The following NRXN3 variants were observed in gnomAD, a reference collection of about 807,000 sequenced individuals.
NRXN3 encodes neurexin III.
NRXN3 carries 32 observed loss-of-function variants against 137.6 expected under a neutral mutation model. The observed-to-expected ratio is 0.23, with a 90% confidence interval of 0.18 to 0.31. NRXN3 has a LOEUF of 0.31. Ranked by LOEUF, NRXN3 falls within the 10% of genes least tolerant of loss-of-function variation. NRXN3 has a pLI of 1.00. For missense variants in NRXN3, 1,574 were observed against 2,062.5 expected, an observed-to-expected ratio of 0.76 and a Z score of 4.59; for synonymous variants, 798 against 784.5, an observed-to-expected ratio of 1.02 and a Z score of -0.29.
chr14:79,847,896 A>G (rs565828755), intron 20 of NRXN3, among the ~76,000 whole-genome samples: 36 of 144,980 alleles, frequency 2.5e-4, no homozygotes, highest in African/African-American at 8.7e-4. Context: ...TTTTTTTTTC[A>G]TTTTGTTTTA....
Position 79,585,811 on chromosome 14 carries a change from A to G in NRXN3, c.3445-77967A>G, listed in dbSNP as rs1239145522. Among the ~76,000 whole-genome samples the G allele has an allele frequency of 2.6e-5, 4 of 152,128 alleles. No homozygotes were observed. In the East Asian group the frequency reaches 7.8e-4, roughly 30 times the overall value. ...GGAGACACTTGATAACACAACCTGG[A>G]TATGGTGGAGAGCATTCACATTCCT... On this transcript the variant is annotated intron_variant, in intron 16 of 20. Coordinates refer to ENST00000335750, the MANE Select transcript of NRXN3 (RefSeq NM_001330195.2).
chr14:78,564,804 G>A (rs2096822622), intron 4 of NRXN3, among the ~76,000 whole-genome samples: 2 of 152,074 alleles, frequency 1.3e-5, no homozygotes, highest in African/African-American at 4.8e-5. Flanking sequence ...TTGACATATG[G>A]TGGGGGTCTC....
chr14:79,206,879 C>G (rs2066870526), intron 15 of NRXN3, among the ~76,000 whole-genome samples: 1 of 152,090 alleles, frequency 6.6e-6, no homozygotes, highest in Non-Finnish European at 1.5e-5. Flanking sequence ...AACTAACGTA[C>G]AAGTCTTAGT....
intron 16 of NRXN3, among the ~76,000 whole-genome samples, chr14:79,547,709 A>G (rs2097333920): frequency 6.6e-6 from 1 of 152,186 alleles, no homozygotes; most frequent in African/African-American, 2.4e-5. Flanking sequence ...GGAGCTGGAT[A>G]GCATTTACAG....
intron 4 of NRXN3, among the ~76,000 whole-genome samples, chr14:78,367,592 GACAA>G (rs1374856750): frequency 6.6e-6 from 1 of 152,176 alleles, no homozygotes; most frequent in Non-Finnish European, 1.5e-5. Flanking sequence ...TATCTCCTAA[GACAA>G]ACAGAGACCA....
intron 4 of NRXN3, among the ~76,000 whole-genome samples, chr14:78,470,241 C>A (rs2153727556): frequency 6.6e-6 from 1 of 152,296 alleles, no homozygotes; most frequent in African/African-American, 2.4e-5. Flanking sequence ...GCATGAGAAT[C>A]CCTTTGGGGA....
intron 15 of NRXN3, among the ~76,000 whole-genome samples, chr14:79,023,297 G>A (rs1423787451): frequency 6.6e-6 from 1 of 151,960 alleles, no homozygotes; most frequent in African/African-American, 2.4e-5. Context: ...TCAGGGTACT[G>A]GGGATACAGA....
At chr14:79,064,091 T>C (rs1258444493) in intron 15 of NRXN3, among the ~76,000 whole-genome samples, 1 of 152,198 alleles carries the variant, frequency 6.6e-6, no homozygotes, top group Non-Finnish European at 1.5e-5. Flanking sequence ...CTTGTGTTTG[T>C]ATCAGCTCTT....
chr14:78,442,730 C>T (rs1045166570), intron 4 of NRXN3, among the ~76,000 whole-genome samples: 63 of 152,196 alleles, frequency 4.1e-4, no homozygotes, highest in African/African-American at 1.5e-3. Context: ...CCACACCAGG[C>T]CTTGGGTTGT....
intron 16 of NRXN3, among the ~76,000 whole-genome samples, chr14:79,655,363 C>T (rs1043386906): frequency 3.9e-5 from 6 of 152,262 alleles, no homozygotes; most frequent in Admixed American, 2.6e-4. Context: ...AGGGGACAGT[C>T]GGAGAGCTTA....
intron 4 of NRXN3, among the ~76,000 whole-genome samples, chr14:78,471,751 T>G (rs1171338205): frequency 6.6e-6 from 1 of 152,184 alleles, no homozygotes; most frequent in African/African-American, 2.4e-5. Flanking sequence ...ATTCTGTAGA[T>G]CAGCTACCCC....
chr14:78,543,262 A>G (rs150379420), intron 4 of NRXN3, among the ~76,000 whole-genome samples: 71 of 152,280 alleles, frequency 4.7e-4, no homozygotes, highest in Middle Eastern at 6.8e-3. Context: ...GAGATCATAA[A>G]TGAAGTCCAT....
chr14:79,712,489 T>C (rs748596893), intron 19 of NRXN3, among the ~76,000 whole-genome samples: 3 of 152,232 alleles, frequency 2.0e-5, no homozygotes, highest in Non-Finnish European at 2.9e-5. Flanking sequence ...ACCAGCTGCA[T>C]AGAATGTGCC....
rs201638829 is a variant in NRXN3, at chr14:79,027,184, C to CT, written c.3262+39052dup. Among the ~76,000 whole-genome samples, 88 of 147,824 alleles carry CT rather than the reference C, an allele frequency of 6.0e-4. 1 individual carries two copies. Among genetic ancestry groups the CT allele is most frequent in the African/African-American group, 1.7e-3 (68 of 40,184 alleles). On this transcript the variant is annotated intron_variant, in intron 15 of 20. Transcript: ENST00000335750. ...GAAATGTGTTAAAAAGCCATATATT[C>CT]TTTTTTTTTCTTTTGATAAAAGGAA...
intron 2 of NRXN3, among the ~76,000 whole-genome samples, chr14:78,268,202 ATCT>A (rs1239365959): frequency 6.6e-6 from 1 of 152,104 alleles, no homozygotes; most frequent in Non-Finnish European, 1.5e-5. Flanking sequence ...TATGGATGAA[ATCT>A]TCTGAAGACT....
intron 4 of NRXN3, among the ~76,000 whole-genome samples, chr14:78,321,425 T>G (rs1327169043): frequency 1.3e-5 from 2 of 152,062 alleles, no homozygotes; most frequent in Non-Finnish European, 1.5e-5. Context: ...CCTATTTCTG[T>G]TTTTTTCTGG....
chr14:78,945,602 A>G (rs568336739), intron 10 of NRXN3, among the ~76,000 whole-genome samples: 16 of 152,324 alleles, frequency 1.1e-4, no homozygotes, highest in South Asian at 2.1e-4. Flanking sequence ...AGGTTATGCA[A>G]CATTGGGCAA....
At chr14:78,501,100 T>C (rs2095869675) in intron 4 of NRXN3, among the ~76,000 whole-genome samples, 2 of 152,216 alleles carry the variant, frequency 1.3e-5, no homozygotes, top group Non-Finnish European at 2.9e-5. Context: ...AGGCAGTTTA[T>C]GTTAGTTATC....
At chr14:78,433,408 G>C (rs894476718) in intron 4 of NRXN3, among the ~76,000 whole-genome samples, 1 of 152,018 alleles carries the variant, frequency 6.6e-6, no homozygotes, top group African/African-American at 2.4e-5. Context: ...TGCCATGTAC[G>C]TTAGCTTGCT....
Sources: allele counts gnomAD v4.1 joint callset (sites outside exome capture counted in the v4.1 genomes callset), GRCh38; gene constraint gnomAD v4.1.1; transcripts MANE v1.5; gene names NCBI Gene and HGNC (gene_info 2026-07-23, HGNC 2026-07-21).